IL1RAPL1: variants seen among roughly 807,000 people sequenced by gnomAD.
IL1RAPL1 encodes the protein interleukin 1 receptor accessory protein like 1, also known as interleukin-1 receptor accessory protein-like 1.
A neutral mutation model predicts 48.4 loss-of-function variants in IL1RAPL1; 3 were observed. The observed-to-expected ratio is 0.06, with a 90% CI of 0.03 to 0.16. The LOEUF is 0.16. Ranked by LOEUF, IL1RAPL1 falls within the 10% of genes least tolerant of loss-of-function variation. The probability of loss-of-function intolerance (pLI) is 1.00; values close to 1 mark genes in which losing one functional copy is unlikely to be tolerated. For missense variants in IL1RAPL1, 349 were observed against 530.6 expected (o/e 0.66, Z 3.36); for synonymous variants, 185 against 187.7 (o/e 0.99, Z 0.12).
At chrX:29,459,045 T>G (rs986842057) in intron 5 of IL1RAPL1, among the ~76,000 whole-genome samples, 2 of 111,889 alleles carry the variant, frequency 1.8e-5, no homozygotes, top group Non-Finnish European at 1.9e-5. Context: ...GGGGATAGAT[T>G]TGGCGTGTGG....
intron 5 of IL1RAPL1, among the ~76,000 whole-genome samples, chrX:29,604,869 C>G (rs753323624): frequency 3.6e-5 from 4 of 110,351 alleles, no homozygotes; most frequent in Non-Finnish European, 7.6e-5. Flanking sequence ...GTATTTTTTT[C>G]AGGATCCACC....
intron 5 of IL1RAPL1, among the ~76,000 whole-genome samples, chrX:29,619,812 T>C (rs776174634): frequency 3.1e-4 from 35 of 111,897 alleles, no homozygotes; most frequent in African/African-American, 1.1e-3. Flanking sequence ...ACTTCATGCA[T>C]TGAAGAGACA....
chrX:29,864,223 G>A lies in IL1RAPL1; in HGVS notation c.779-53241G>A, dbSNP rs186941433. Among the ~76,000 whole-genome samples, 5 of 112,555 alleles carry A rather than the reference G, an allele frequency of 4.4e-5. No individual in the cohort carries two copies. In the East Asian group the frequency reaches 8.3e-4, roughly 19 times the overall value. On this transcript the variant is annotated intron_variant, in intron 6 of 10. Transcript: ENST00000378993. ...CTTAGAATATTAATAGTGTTAGGCC[G>A]AAGTATTGTTTTGTGATCAAATAAG...
chrX:29,486,611 A>C (rs7062950), intron 5 of IL1RAPL1, among the ~76,000 whole-genome samples: 2 of 65,212 alleles, frequency 3.1e-5, no homozygotes, highest in East Asian at 1.1e-3. Context: ...CAAGTGCTAT[A>C]CAAAAAAAAA....
intron 2 of IL1RAPL1, among the ~76,000 whole-genome samples, chrX:28,995,020 G>A (rs955115389): frequency 8.1e-5 from 9 of 111,043 alleles, no homozygotes; most frequent in African/African-American, 2.9e-4. Context: ...GGTTATCTTC[G>A]AAGCCTTTGA....
intron 2 of IL1RAPL1, among the ~76,000 whole-genome samples, chrX:29,111,335 G>A (rs778985919): frequency 2.7e-5 from 3 of 112,150 alleles, no homozygotes; most frequent in South Asian, 3.7e-4. Context: ...TTTTGAACTC[G>A]ATATAAATGT....
intron 1 of IL1RAPL1, among the ~76,000 whole-genome samples, chrX:28,697,031 GA>G (rs1277412804): frequency 8.9e-6 from 1 of 111,745 alleles, no homozygotes; most frequent in Non-Finnish European, 1.9e-5. Flanking sequence ...AAGAAGAAAA[GA>G]TGTCTCAATT....
At chrX:29,242,190 A>G (rs1370133376) in intron 2 of IL1RAPL1, among the ~76,000 whole-genome samples, 2 of 112,721 alleles carry the variant, frequency 1.8e-5, no homozygotes, top group East Asian at 5.5e-4. Flanking sequence ...TCAGTCACTA[A>G]TTTTAATAAT....
chrX:29,615,859 C>T (rs1485411212), intron 5 of IL1RAPL1, among the ~76,000 whole-genome samples: 1 of 111,524 alleles, frequency 9.0e-6, no homozygotes, highest in African/African-American at 3.3e-5. Flanking sequence ...AAGGATTGTT[C>T]TGAGAGAGTT....
chrX:28,796,829 G>T (rs1358949418), intron 2 of IL1RAPL1, among the ~76,000 whole-genome samples: 1 of 111,848 alleles, frequency 8.9e-6, no homozygotes, highest in African/African-American at 3.3e-5. Flanking sequence ...TAGGGACTCT[G>T]TGCGGGGGCT....
At chrX:29,320,584 G>C in intron 3 of IL1RAPL1, among the ~76,000 whole-genome samples, 1 of 110,800 alleles carries the variant, frequency 9.0e-6, no homozygotes, top group Non-Finnish European at 1.9e-5. Flanking sequence ...AGACCAGCCT[G>C]GCCAACATGG....
intron 5 of IL1RAPL1, among the ~76,000 whole-genome samples, chrX:29,600,638 T>G (rs1183221148): frequency 3.6e-5 from 4 of 110,868 alleles, no homozygotes; most frequent in Non-Finnish European, 5.7e-5. Context: ...CCCAAGAGAT[T>G]ATGACCTTTG....
In IL1RAPL1 at chrX:28,665,589, C is replaced by T. The variant is rs745320274; in HGVS notation, c.-25+77542C>T. 1.5e-4 allele frequency among the ~76,000 whole-genome samples: 16 copies of T among 110,310 alleles called. 1 individual carries two copies. In the South Asian group the frequency reaches 5.1e-3, roughly 35 times the overall value. ...CACTGCAACCTCCACCTCCCAGGTT[C>T]GAACAATTCTCATGCCTTAGCCTCC... On this transcript the variant is annotated intron_variant, in intron 1 of 10. Coordinates refer to ENST00000378993, the MANE Select transcript of IL1RAPL1 (RefSeq NM_014271.4).
chrX:29,040,062 T>C (rs981714070), intron 2 of IL1RAPL1, among the ~76,000 whole-genome samples: 2 of 111,989 alleles, frequency 1.8e-5, no homozygotes, highest in Non-Finnish European at 3.8e-5. Context: ...TTTAAAAAAA[T>C]GAAAAACATT....
In IL1RAPL1 at chrX:29,709,434, T is replaced by G. The variant is rs188796531; in HGVS notation, c.778+40930T>G. On this transcript the variant is annotated intron_variant, in intron 6 of 10. Transcript: ENST00000378993. ...TCCCCATTGTGTTTTCTTAGCACCT[T>G]TTTGAAAATCAATTGTTCATAAATA... 5.4e-5 allele frequency among the ~76,000 whole-genome samples: 6 copies of G among 111,998 alleles called. No individual in the cohort carries two copies. In the East Asian group the frequency reaches 1.7e-3, roughly 31 times the overall value.
intron 5 of IL1RAPL1, among the ~76,000 whole-genome samples, chrX:29,587,193 C>T (rs1251917268): frequency 2.7e-5 from 3 of 111,121 alleles, no homozygotes; most frequent in East Asian, 5.7e-4. Context: ...TATTGAAACT[C>T]AGTTTTGAGT....
At chrX:28,674,932 C>A (rs990806491) in intron 1 of IL1RAPL1, among the ~76,000 whole-genome samples, 1 of 111,960 alleles carries the variant, frequency 8.9e-6, no homozygotes, top group South Asian at 3.7e-4. Flanking sequence ...TCTCTAGACA[C>A]TGTGCCTGGC....
At chrX:29,093,309 G>A (rs1928130947) in intron 2 of IL1RAPL1, among the ~76,000 whole-genome samples, 1 of 110,332 alleles carries the variant, frequency 9.1e-6, no homozygotes, top group African/African-American at 3.3e-5. Context: ...GGGGTAGCAG[G>A]CAGTTCACAT....
At chrX:28,927,881 A>G (rs1301838597) in intron 2 of IL1RAPL1, among the ~76,000 whole-genome samples, 3 of 110,490 alleles carry the variant, frequency 2.7e-5, no homozygotes, top group Non-Finnish European at 5.7e-5. Context: ...TTTTTTTTGG[A>G]TTAAGTCATC....
Sources: gnomAD v4.1 joint callset for allele counts (sites outside exome capture counted in the v4.1 genomes callset) on GRCh38, gnomAD v4.1.1 for gene constraint, MANE v1.5 for transcripts, NCBI Gene and HGNC (gene_info 2026-07-23, HGNC 2026-07-21) for gene names.